The following SLF1 variants were observed in gnomAD, a reference collection of about 807,000 sequenced individuals.
The protein encoded by SLF1 is SMC5/6 complex localization factor 1.
SLF1 carries 105 observed loss-of-function variants against 123.0 expected under a neutral mutation model. That is an observed-to-expected ratio of 0.85 (90% CI 0.73 to 1.00). SLF1 has a LOEUF of 1.00. Among genes scored for constraint, SLF1 ranks in the 50% least tolerant of loss-of-function variants. SLF1 has a pLI of 0.00. For missense variants in SLF1, 1,239 were observed against 1,223.0 expected (o/e 1.01, Z -0.20); for synonymous variants, 434 against 406.6 (o/e 1.07, Z -0.81).
intron 6 of SLF1, 54 bp from the exon 7 acceptor site, chr5:94,651,647 GT>G: frequency 7.2e-7 from 1 of 1,387,414 alleles, no homozygotes; most frequent in South Asian, 1.5e-5. Flanking sequence ...TGTTGATTGT[GT>G]TAAGGCTATA....
chr5:94,691,226 AT>A, intron 18 of SLF1: 1 of 218,018 alleles, frequency 4.6e-6, no homozygotes, highest in South Asian at 8.7e-5. Flanking sequence ...AAAACCCAGT[AT>A]TTTTGGTGTT....
rs370026748 is a variant in SLF1 at position 94,678,907 on chromosome 5, C to G, written c.1927C>G (p.Arg643Gly). The G allele has an allele frequency of 1.2e-6, 2 of 1,613,564 alleles. No individual in the cohort carries two copies. Among genetic ancestry groups the G allele is most frequent in the Non-Finnish European group, 1.7e-6 (2 of 1,179,750 alleles). The change falls in exon 15 of 21, where the codon CGA (arginine) becomes GGA (glycine). Residue 643 changes from arginine (R) to glycine (G), a missense_variant. Transcript: ENST00000265140. ...TCTTAAGATGGGTAGAAATGTGATG[C>G]GACACATGTCTGATGACTTAGGAAG... ...LGLKMGRNVM[R>G]HMSDDLGSYV...
chr5:94,620,861 A>G (rs1467058560), intron 1 of SLF1, among the ~76,000 whole-genome samples: 1 of 152,202 alleles, frequency 6.6e-6, no homozygotes. Context: ...TATCAAAATT[A>G]CTTTGAAATT....
intron 15 of SLF1, among the ~76,000 whole-genome samples, chr5:94,683,410 T>A (rs897183461): frequency 6.6e-6 from 1 of 152,208 alleles, no homozygotes; most frequent in Non-Finnish European, 1.5e-5. Context: ...GTGGTTTTTT[T>A]ATTTTATTTT....
intron 4 of SLF1, among the ~76,000 whole-genome samples, chr5:94,636,384 C>A (rs182815640): frequency 5.3e-5 from 8 of 152,174 alleles, no homozygotes; most frequent in Admixed American, 1.3e-4. Flanking sequence ...TGGTCCCTTT[C>A]CTCTCTCTTC....
intron 1 of SLF1, among the ~76,000 whole-genome samples, chr5:94,627,800 G>T (rs915777753): frequency 6.6e-6 from 1 of 150,654 alleles, no homozygotes; most frequent in Non-Finnish European, 1.5e-5. Flanking sequence ...ATCATTGTCT[G>T]TAGGTTTCAA....
intron 6 of SLF1, among the ~76,000 whole-genome samples, chr5:94,650,194 T>C (rs145082014): frequency 1.6e-3 from 241 of 152,310 alleles, no homozygotes; most frequent in African/African-American, 5.5e-3. Flanking sequence ...CACTTTCATA[T>C]TGTGTTTTAT....
At chr5:94,649,671 G>GA in intron 6 of SLF1, 74 bp downstream of exon 6, 1 of 1,279,920 alleles carries the variant, frequency 7.8e-7, no homozygotes, top group South Asian at 2.4e-5. Context: ...AAGTATGGTG[G>GA]AAAAAATAGA....
intron 9 of SLF1, among the ~76,000 whole-genome samples, chr5:94,656,783 C>G (rs1267920844): frequency 6.6e-6 from 1 of 151,644 alleles, no homozygotes; most frequent in Non-Finnish European, 1.5e-5. Flanking sequence ...ATAATAGTCT[C>G]TAATATTCTT....
chr5:94,628,925 G>A lies in SLF1; in HGVS notation c.114+1G>A. The A allele has an allele frequency of 1.3e-6, 2 of 1,524,236 alleles. No homozygotes were observed. The highest frequency in any genetic ancestry group is 1.8e-6 in the Non-Finnish European group (2 of 1,130,594). 94.4% of individuals were successfully genotyped at this position (1,524,236 alleles called of 1,614,324 possible). A position where few individuals can be genotyped will look rare whatever the true frequency, so the allele number is the denominator to read the frequency against. On this transcript the variant is annotated splice_donor_variant, in intron 2 of 20. Coordinates refer to ENST00000265140, the MANE Select transcript of SLF1 (RefSeq NM_032290.4). LOFTEE classifies it high-confidence loss of function. The stretch of plus-strand genomic sequence containing the variant: ...AGATTGCACTTTTATTAAGAGTGAG[G>A]TAAGAAACTTATCAAAATGTTCAAG...
intron 15 of SLF1, among the ~76,000 whole-genome samples, chr5:94,679,964 C>G (rs1391948087): frequency 6.6e-6 from 1 of 152,026 alleles, no homozygotes; most frequent in South Asian, 2.1e-4. Flanking sequence ...TTCTGTAATC[C>G]TTAATTCCTA....
chr5:94,627,597 T>C (rs1038715511), intron 1 of SLF1, among the ~76,000 whole-genome samples: 1 of 124,346 alleles, frequency 8.0e-6, no homozygotes, highest in Non-Finnish European at 1.7e-5. Context: ...TATATATATA[T>C]ATATATATAT....
chr5:94,630,771 G>A (rs1451160666), intron 4 of SLF1, 28 bp downstream of exon 4: 3 of 1,517,836 alleles, frequency 2.0e-6, no homozygotes, highest in African/African-American at 1.4e-5. Context: ...AAAAGCTAAA[G>A]CAATTAATGA....
intron 10 of SLF1, among the ~76,000 whole-genome samples, chr5:94,663,280 C>T (rs1749348971): frequency 6.6e-6 from 1 of 152,198 alleles, no homozygotes; most frequent in Non-Finnish European, 1.5e-5. Flanking sequence ...ATATCATCCT[C>T]TTTGAACTAC....
chr5:94,653,769 C>G (rs1748035277), intron 8 of SLF1, among the ~76,000 whole-genome samples: 1 of 151,732 alleles, frequency 6.6e-6, no homozygotes, highest in Non-Finnish European at 1.5e-5. Context: ...TTATTTTGCT[C>G]TTTTGTATAG....
intron 1 of SLF1, among the ~76,000 whole-genome samples, chr5:94,625,841 C>G (rs1355770183): frequency 1.3e-5 from 2 of 152,144 alleles, no homozygotes; most frequent in African/African-American, 2.4e-5. Flanking sequence ...CAGACTAAAT[C>G]ATTATTATTT....
intron 16 of SLF1, among the ~76,000 whole-genome samples, chr5:94,687,971 TTTA>T (rs139441812): frequency 0.016 from 2,435 of 150,326 alleles, 59 homozygotes; most frequent in African/African-American, 0.052. Context: ...ATAATAATTA[TTTA>T]TTATTATTAA....
intron 13 of SLF1, 148 bp downstream of exon 13, chr5:94,670,427 A>T: frequency 1.3e-6 from 1 of 793,008 alleles, no homozygotes; most frequent in Non-Finnish European, 1.8e-6. Context: ...ATATTTCCAG[A>T]TATTCTCAGT....
Position 94,643,274 on chromosome 5 carries a change from G to A in SLF1, c.433G>A (p.Val145Ile). The part of the protein sequence containing the change: ...TDKRSDSLIR[V>I]LEAGKANVIL... Reference sequence around the variant, plus strand: ...TATACCATTTACATTTTTATTTAGAGTTTTGGAGGCTGGAAAGGCAAATGT... The same window carrying A: ...TATACCATTTACATTTTTATTTAGAATTTTGGAGGCTGGAAAGGCAAATGT... Residue 145 changes from valine to isoleucine, a missense_variant and splice_region_variant, in exon 5 of 21, where the codon GTT becomes ATT. By Grantham distance (29) the Val-to-Ile change is conservative (BLOSUM62 3). Coordinates refer to ENST00000265140, the MANE Select transcript of SLF1 (RefSeq NM_032290.4). The A allele has an allele frequency of 6.5e-7, 1 of 1,529,270 alleles. No individual in the cohort carries two copies. The highest frequency in any genetic ancestry group is 2.5e-5 in the East Asian group (1 of 40,480). The allele number at this position is 1,529,270 out of a possible 1,614,324, so 94.7% of individuals were successfully genotyped here.
Sources: gnomAD v4.1 joint callset for allele counts (sites outside exome capture counted in the v4.1 genomes callset) on GRCh38, gnomAD v4.1.1 for gene constraint, MANE v1.5 for transcripts, NCBI Gene and HGNC (gene_info 2026-07-23, HGNC 2026-07-21) for gene names.